The following POLR3H variants were observed in gnomAD, a reference collection of about 807,000 sequenced individuals.
POLR3H encodes RNA polymerase III subunit H, also known as DNA-directed RNA polymerase III subunit RPC8.
In POLR3H, 17 loss-of-function variants were observed where a neutral mutation model predicts 25.5. That is an observed-to-expected ratio of 0.67 (90% CI 0.46 to 1.00). The LOEUF is 1.00. Ranked by LOEUF, POLR3H falls within the 50% of genes least tolerant of loss-of-function variation. The pLI is 0.00. For synonymous variants in POLR3H, 129 were observed against 103.0 expected, an observed-to-expected ratio of 1.25 and a Z score of -1.53; for missense variants, 274 against 265.0, an observed-to-expected ratio of 1.03 and a Z score of -0.24.
chr22:41,536,051 A>C (rs1412050527), intron 2 of POLR3H, among the ~76,000 whole-genome samples: 2 of 148,732 alleles, frequency 1.3e-5, no homozygotes, highest in African/African-American at 4.9e-5. Context: ...CAGACTCCCA[A>C]AGTGCTGGGA....
At position 41,532,673 on chromosome 22, in the gene POLR3H, G is replaced by T; in HGVS notation, c.281C>A (p.Pro94Gln). Reference sequence around the variant, plus strand: ...GCCACTGTTACCGTGCACTCCTTCTGGGCTGCAGCCTTTGATCTTCCCAAT... The same window carrying T: ...GCCACTGTTACCGTGCACTCCTTCTTGGCTGCAGCCTTTGATCTTCCCAAT... The part of the protein sequence containing the change: ...ILIGKIKGCS[P>Q]EGVHVSLGFF... Residue 94 changes from proline (P) to glutamine (Q), a missense_variant, in exon 3 of 6, where the codon CCA becomes CAA. Physicochemically the swap from Pro to Gln is moderately conservative, Grantham distance 76. Transcript: ENST00000355209. 1.2e-6 allele frequency: 2 copies of T among 1,614,034 alleles called. No individual in the cohort carries two copies. The highest frequency in any genetic ancestry group is 1.7e-6 in the Non-Finnish European group (2 of 1,179,962).
In POLR3H at chr22:41,534,855, T is replaced by C. The variant is rs561145787; in HGVS notation, c.209-2110A>G. 3.3e-4 allele frequency among the ~76,000 whole-genome samples: 49 copies of C among 150,608 alleles called. 1 individual carries two copies. The highest frequency in any genetic ancestry group is 1.1e-3 in the African/African-American group (44 of 40,822). On this transcript the variant is annotated intron_variant, in intron 2 of 5. Coordinates refer to ENST00000355209, the MANE Select transcript of POLR3H (RefSeq NM_001018050.4). Reference sequence around the variant, plus strand: ...GTTACAGTGAGCTGAGACTGCGCCATTGCACTCCAGCCTGGGCAACAAGAG... The same window carrying C: ...GTTACAGTGAGCTGAGACTGCGCCACTGCACTCCAGCCTGGGCAACAAGAG...
chr22:41,541,297 G>C (rs2066925130), intron 1 of POLR3H, among the ~76,000 whole-genome samples: 1 of 152,154 alleles, frequency 6.6e-6, no homozygotes, highest in Non-Finnish European at 1.5e-5. Flanking sequence ...ACAGTTTAGT[G>C]AGCGTCACAG....
In POLR3H at chr22:41,528,589, C is replaced by A. The variant is rs1362831618; in HGVS notation, c.*694G>T. On this transcript the variant is annotated 3_prime_UTR_variant, in exon 6 of 6. Coordinates refer to ENST00000355209, the MANE Select transcript of POLR3H (RefSeq NM_001018050.4). Reference sequence around the variant, plus strand: ...GGTTCCGCGCTGGCAGTGCCCTCAACAGAATGAAGGAACTGCAACAGTGAG... The same window carrying A: ...GGTTCCGCGCTGGCAGTGCCCTCAAAAGAATGAAGGAACTGCAACAGTGAG... 1.2e-6 allele frequency: 2 copies of A among 1,612,160 alleles called. No individual in the cohort carries two copies. The highest frequency in any genetic ancestry group is 2.7e-5 in the African/African-American group (2 of 74,908).
rs1296893662 is a variant in POLR3H, at chr22:41,530,823, ATGTAGAGGTCG to A, written c.414_424del (p.Asp139GlyfsTer17). On this transcript the variant is annotated frameshift_variant, in exon 5 of 6. Coordinates refer to ENST00000355209, the MANE Select transcript of POLR3H (RefSeq NM_001018050.4). LOFTEE classifies it high-confidence loss of function. ...GAAGCGGATCTCCTCGCCGGTGTCC[ATGTAGAGGTCG>A]TGTGCTCCTTCCTCCGTCTCGTACT... 20 of 1,614,074 alleles carry A rather than the reference ATGTAGAGGTCG, an allele frequency of 1.2e-5. No homozygotes were observed. Among genetic ancestry groups the A allele is most frequent in the Non-Finnish European group, 1.6e-5 (19 of 1,180,032 alleles).
At chr22:41,533,436 G>C in intron 2 of POLR3H, 1 of 1,028,498 alleles carries the variant, frequency 9.7e-7, no homozygotes, top group Non-Finnish European at 1.2e-6. Context: ...AGTTCCCACC[G>C]TGAGGATAAG....
chr22:41,541,544 C>G (rs1405823280), intron 1 of POLR3H, among the ~76,000 whole-genome samples: 2 of 152,062 alleles, frequency 1.3e-5, no homozygotes, highest in East Asian at 3.8e-4. Context: ...GCAAGAAGCT[C>G]AGAGAACTCA....
chr22:41,544,020 C>T lies in POLR3H; in HGVS notation c.82G>A (p.Glu28Lys). ...TTGGCCAACTTCTTGTTCAGCTCCT[C>T]GGCAATGGAGTCGTTGAGCTTCCTC... ...FERKLNDSIA[E>K]ELNKKLANKV... Residue 28 changes from glutamate (E) to lysine (K), a missense_variant, in exon 1 of 6, where the codon GAG (glutamate) becomes AAG (lysine). Transcript: ENST00000355209. 6.2e-7 allele frequency: 1 copy of T among 1,613,742 alleles called. No individual in the cohort carries two copies. The highest frequency in any genetic ancestry group is 8.5e-7 in the Non-Finnish European group (1 of 1,179,648).
intron 2 of POLR3H, chr22:41,533,724 T>C (rs1367520251): frequency 7.7e-7 from 1 of 1,303,730 alleles, no homozygotes; most frequent in African/African-American, 1.5e-5. Flanking sequence ...ACAGCCACCA[T>C]GAAGATGACT....
chr22:41,529,370 A>C (rs2066674741), intron 5 of POLR3H, 34 bp from the exon 6 acceptor site: 1 of 1,608,746 alleles, frequency 6.2e-7, no homozygotes, highest in Non-Finnish European at 8.5e-7. Flanking sequence ...CATTTCACTG[A>C]CATGCTGGCT....
chr22:41,544,421 C>G lies in POLR3H; in HGVS notation c.-320G>C. ...CCGCGCCACGTGCCGCCGCTCGTAT[C>G]ACGCACCACGCACCACGCACCGCGC... On this transcript the variant is annotated 5_prime_UTR_variant, in exon 1 of 6. Coordinates refer to ENST00000355209, the MANE Select transcript of POLR3H (RefSeq NM_001018050.4). 4.8e-6 allele frequency: 1 copy of G among 210,340 alleles called. No homozygotes were observed. Among genetic ancestry groups the G allele is most frequent in the Non-Finnish European group, 9.3e-6 (1 of 107,782 alleles). The allele number at this position is 210,340 out of a possible 1,614,324, so 13.0% of individuals were successfully genotyped here.
Position 41,533,027 on chromosome 22 carries a change from C to T in POLR3H, c.209-282G>A, listed in dbSNP as rs150269855. ...GGCTCCAAAGTCAATTTCAACCTCC[C>T]TCCAGGCTCTCCTTCAGCTCCTAAA... On this transcript the variant is annotated intron_variant, in intron 2 of 5. Coordinates refer to ENST00000355209, the MANE Select transcript of POLR3H (RefSeq NM_001018050.4). Among the ~76,000 whole-genome samples, 562 of 152,360 alleles carry T rather than the reference C, an allele frequency of 3.7e-3. 3 individuals carry two copies. The highest frequency in any genetic ancestry group is 6.1e-3 in the Non-Finnish European group (413 of 68,038).
chr22:41,527,029 A>G lies in POLR3H; in HGVS notation c.*2254T>C. On this transcript the variant is annotated 3_prime_UTR_variant, in exon 6 of 6. Coordinates refer to ENST00000355209, the MANE Select transcript of POLR3H (RefSeq NM_001018050.4). ...CCCTCCACACACACCTGCCTCTGCC[A>G]AGCACCAATGGGTGGCTTCTGTCTT... The G allele has an allele frequency of 1.8e-6, 1 of 563,868 alleles. No individual in the cohort carries two copies. The allele number at this position is 563,868 out of a possible 1,614,324, so 34.9% of individuals were successfully genotyped here. A position where few individuals can be genotyped will look rare whatever the true frequency, so the allele number is the denominator to read the frequency against.
At position 41,527,754 on chromosome 22, in the gene POLR3H, G is replaced by A; in HGVS notation, c.*1529C>T. On this transcript the variant is annotated 3_prime_UTR_variant, in exon 6 of 6. Transcript: ENST00000355209. ...TGCTAGGGGCACCCCTAGTGAAAGGGAGCAGACCAGGGCCCCATAGTCACT... is the reference window on the plus strand; with the variant it reads ...TGCTAGGGGCACCCCTAGTGAAAGGAAGCAGACCAGGGCCCCATAGTCACT... 7.4e-7 allele frequency: 1 copy of A among 1,347,800 alleles called. No individual in the cohort carries two copies. The highest frequency in any genetic ancestry group is 1.0e-6 in the Non-Finnish European group (1 of 990,258). The allele number at this position is 1,347,800 out of a possible 1,614,324, so 83.5% of individuals were successfully genotyped here. A position where few individuals can be genotyped will look rare whatever the true frequency, so the allele number is the denominator to read the frequency against.
chr22:41,529,294 T>A lies in POLR3H; in HGVS notation c.604A>T (p.Thr202Ser), dbSNP rs779015877. 1.2e-6 allele frequency: 2 copies of A among 1,613,562 alleles called. No homozygotes were observed. Among genetic ancestry groups the A allele is most frequent in the Non-Finnish European group, 1.7e-6 (2 of 1,179,840 alleles). ...EPGLGLLSWW[T>S]SN ...GTCCAGCCCCAGGGCTAGTTGCTGG[T>A]CCACCAGGAGAGAAGGCCCAGGCCT... The change falls in exon 6 of 6, where the codon ACC becomes TCC. Residue 202 changes from threonine (T) to serine (S), a missense_variant. Transcript: ENST00000355209.
intron 1 of POLR3H, among the ~76,000 whole-genome samples, chr22:41,541,591 G>C (rs1214934659): frequency 1.3e-5 from 2 of 152,224 alleles, no homozygotes; most frequent in Non-Finnish European, 2.9e-5. Context: ...AATGCCACAA[G>C]ATCTGTGCCC....
Position 41,528,641 on chromosome 22 carries a change from G to A in POLR3H, c.*642C>T. On this transcript the variant is annotated 3_prime_UTR_variant, in exon 6 of 6. Transcript: ENST00000355209. ...GCAGTGCCTCCCCGCCCCGCCGCTG[G>A]CGTCAAGTTCAGCTCCACGTGTGCC... 1 of 1,608,200 alleles carries A rather than the reference G, an allele frequency of 6.2e-7. No individual in the cohort carries two copies. The highest frequency in any genetic ancestry group is 8.5e-7 in the Non-Finnish European group (1 of 1,178,812).
rs774364288 is a variant in POLR3H at position 41,526,385 on chromosome 22, G to C, written c.*2898C>G. The C allele has an allele frequency of 1.2e-6, 2 of 1,613,824 alleles. No individual in the cohort carries two copies. The highest frequency in any genetic ancestry group is 1.7e-6 in the Non-Finnish European group (2 of 1,180,028). ...TGCCATCAACATTGAAAACGGCAAG[G>C]CCAACTCCGTGCGCAATGCCGTCAC... is the stretch of plus-strand genomic sequence containing the variant. On this transcript the variant is annotated 3_prime_UTR_variant, in exon 6 of 6. Coordinates refer to ENST00000355209, the MANE Select transcript of POLR3H (RefSeq NM_001018050.4).
intron 5 of POLR3H, chr22:41,529,731 GCTCCTA>G (rs1402987316): frequency 2.0e-6 from 1 of 507,198 alleles, no homozygotes; most frequent in Admixed American, 2.3e-5. Flanking sequence ...CTGCAATGCT[GCTCCTA>G]CAGGGAGCCC....
Sources: allele counts gnomAD v4.1 joint callset (sites outside exome capture counted in the v4.1 genomes callset), GRCh38; gene constraint gnomAD v4.1.1; transcripts MANE v1.5; gene names NCBI Gene and HGNC (gene_info 2026-07-23, HGNC 2026-07-21).